The following DCAF13 variants were observed in gnomAD, a reference collection of about 807,000 sequenced individuals.
DCAF13 encodes the protein DDB1- and CUL4-associated factor 13.
DCAF13 carries 38 observed loss-of-function variants against 59.0 expected under a neutral mutation model. That is an observed-to-expected ratio of 0.64 (90% CI 0.50 to 0.84). The LOEUF (loss-of-function observed/expected upper bound fraction) is 0.84, where lower values mean the gene tolerates loss of function less well. Ranked by LOEUF, DCAF13 falls within the 40% of genes least tolerant of loss-of-function variation. The pLI is 0.00. For synonymous variants in DCAF13, 173 were observed against 175.0 expected, an observed-to-expected ratio of 0.99 and a Z score of 0.09; for missense variants, 469 against 558.4, an observed-to-expected ratio of 0.84 and a Z score of 1.61.
Position 103,442,749 on chromosome 8 carries a change from G to A in DCAF13, c.1251-46G>A, listed in dbSNP as rs771023999. 3 of 1,291,948 alleles carry A rather than the reference G, an allele frequency of 2.3e-6. No homozygotes were observed. In the African/African-American group the frequency reaches 4.6e-5, roughly 20 times the overall value. The allele number at this position is 1,291,948 out of a possible 1,614,324, so 80.0% of individuals were successfully genotyped here. The stretch of plus-strand genomic sequence containing the variant: ...ATTTTTCTGAGAAAGTTTTCTTTAA[G>A]ATGAGTTCCCATAACTTGCTTATAT... On this transcript the variant is annotated intron_variant, in intron 10 of 10. Coordinates refer to ENST00000612750, the MANE Select transcript of DCAF13 (RefSeq NM_015420.7).
rs1017852622 is a variant in DCAF13 at position 103,440,058 on chromosome 8, C to T, written c.951-78C>T. ...CTCCTATAGGACTCAGAAATAGTAT[C>T]CTGATACTTAATAGGCAGTGGTTAC... On this transcript the variant is annotated intron_variant, in intron 8 of 10. Coordinates refer to ENST00000612750, the MANE Select transcript of DCAF13 (RefSeq NM_015420.7). The T allele has an allele frequency of 1.4e-5, 17 of 1,178,124 alleles. No homozygotes were observed. The Admixed American group carries it at 2.0e-4, about 14-fold the overall frequency. 73.0% of individuals were successfully genotyped at this position (1,178,124 alleles called of 1,614,324 possible).
At chr8:103,428,467 ACT>A (rs550313855) in intron 5 of DCAF13, 164 of 151,722 alleles carry the variant, frequency 1.1e-3, no homozygotes, top group African/African-American at 3.9e-3. Context: ...TAAAATACTT[ACT>A]CTCTGGCCCT....
In DCAF13 at chr8:103,424,278, C is replaced by G. The variant is rs145160697; in HGVS notation, c.379-1778C>G. ...TCCTGACCTAGTGATCCACCCGCCT[C>G]AGCCTCTGAAAGTGCTGGGATTACA... On this transcript the variant is annotated intron_variant, in intron 3 of 10. Coordinates refer to ENST00000612750, the MANE Select transcript of DCAF13 (RefSeq NM_015420.7). Among the ~76,000 whole-genome samples the G allele has an allele frequency of 3.8e-3, 578 of 152,314 alleles. 2 individuals are homozygous for G. Among genetic ancestry groups the G allele is most frequent in the African/African-American group, 0.013 (556 of 41,576 alleles).
intron 1 of DCAF13, among the ~76,000 whole-genome samples, chr8:103,418,864 ATAT>A (rs1816678745): frequency 1.1e-4 from 3 of 27,954 alleles, no homozygotes; most frequent in South Asian, 2.8e-3. Context: ...ATATATATAT[ATAT>A]TTTTTTTTTT....
Position 103,441,609 on chromosome 8 carries a change from G to A in DCAF13, c.1241G>A (p.Arg414His), listed in dbSNP as rs754852689. Residue 414 changes from arginine to histidine, a missense_variant, in exon 10 of 11, where the codon CGT becomes CAT. This residue lies in a region of DCAF13 where 84 missense variants were observed against 92.3 expected (regional missense o/e 0.91). Transcript: ENST00000612750. ...GAACAGCGCATCATGAAAGAAGCTCGTCGACGAAAGTATGTTTTGAGGCAT... is the reference window on the plus strand; with the variant it reads ...GAACAGCGCATCATGAAAGAAGCTCATCGACGAAAGTATGTTTTGAGGCAT... The part of the protein sequence containing the change: ...IQEQRIMKEA[R>H]RRKEVNRIKH... The A allele has an allele frequency of 8.7e-6, 14 of 1,610,468 alleles. No homozygotes were observed. The highest frequency in any genetic ancestry group is 1.0e-5 in the Non-Finnish European group (12 of 1,179,190).
intron 8 of DCAF13, among the ~76,000 whole-genome samples, chr8:103,436,481 A>G (rs1370589731): frequency 6.6e-6 from 1 of 152,182 alleles, no homozygotes. Flanking sequence ...TTGTAAGCAC[A>G]TAGAGTGTGA....
intron 4 of DCAF13, 145 bp from the exon 5 acceptor site, chr8:103,426,952 C>T (rs1816799431): frequency 5.4e-6 from 3 of 555,462 alleles, no homozygotes; most frequent in Non-Finnish European, 9.0e-6. Context: ...TATTGTTTCC[C>T]CCTTTAAGTA....
chr8:103,436,902 T>G (rs1816942187), intron 8 of DCAF13, among the ~76,000 whole-genome samples: 1 of 152,218 alleles, frequency 6.6e-6, no homozygotes, highest in African/African-American at 2.4e-5. Context: ...ATCTAACTCT[T>G]TGCTCTTTTA....
chr8:103,435,576 A>G, intron 7 of DCAF13, 50 bp from the exon 8 acceptor site: 1 of 1,425,788 alleles, frequency 7.0e-7, no homozygotes. Context: ...AGTACTGCAT[A>G]TGGCATCTTT....
At chr8:103,424,970 C>A (rs970388854) in intron 3 of DCAF13, among the ~76,000 whole-genome samples, 1 of 152,108 alleles carries the variant, frequency 6.6e-6, no homozygotes, top group Non-Finnish European at 1.5e-5. Flanking sequence ...TCATCGACAT[C>A]CTCAACAAAA....
intron 5 of DCAF13, chr8:103,429,517 T>C (rs899528399): frequency 1.3e-5 from 2 of 152,190 alleles, no homozygotes; most frequent in African/African-American, 4.8e-5. Flanking sequence ...GGAGGAATGA[T>C]GCTACAGAGA....
In DCAF13 at chr8:103,443,144, ATACT is replaced by A. The variant is rs1586137038; in HGVS notation, c.*268_*271del. ...ATTTTTTCTTGTTTTTATTACAGAT[ATACT>A]TACTTTCTCTTTGATCTATTATTGT... On this transcript the variant is annotated 3_prime_UTR_variant, in exon 11 of 11. Coordinates refer to ENST00000612750, the MANE Select transcript of DCAF13 (RefSeq NM_015420.7). The A allele has an allele frequency of 7.3e-6, 2 of 275,746 alleles. No homozygotes were observed. The highest frequency in any genetic ancestry group is 1.4e-5 in the Non-Finnish European group (2 of 148,008). The allele number at this position is 275,746 out of a possible 1,614,324, so 17.1% of individuals were successfully genotyped here.
intron 9 of DCAF13, 57 bp downstream of exon 9, chr8:103,440,328 A>ATTG (rs1816993013): frequency 1.4e-6 from 2 of 1,431,496 alleles, no homozygotes; most frequent in Non-Finnish European, 1.9e-6. Context: ...TTTATTAGAT[A>ATTG]TTACATTATG....
At chr8:103,415,611 C>G in intron 1 of DCAF13, 95 bp downstream of exon 1, 1 of 1,246,730 alleles carries the variant, frequency 8.0e-7, no homozygotes. Context: ...GGCTGGCACT[C>G]TGGTCTGGTT....
intron 9 of DCAF13, 75 bp downstream of exon 9, chr8:103,440,346 A>T: frequency 7.5e-7 from 1 of 1,341,102 alleles, no homozygotes; most frequent in South Asian, 1.7e-5. Flanking sequence ...ATGAAAATTT[A>T]CTTTTAGGTA....
chr8:103,421,059 T>C lies in DCAF13; in HGVS notation c.355T>C (p.Phe119Leu), dbSNP rs199708023. Reference sequence around the variant, plus strand: ...CTTTGTACGAGGAATATGTACTCGCTTTTGTGGGACTTCTTTTTTCACTGT... The same window carrying C: ...CTTTGTACGAGGAATATGTACTCGCCTTTGTGGGACTTCTTTTTTCACTGT... ...EGFVRGICTR[F>L]CGTSFFTVGD... The change falls in exon 3 of 11, where the codon TTT (phenylalanine) becomes CTT (leucine). Residue 119 changes from phenylalanine to leucine, a missense_variant. By Grantham distance (22) the Phe-to-Leu change is conservative. This residue lies in a region of DCAF13 where 355 missense variants were observed against 399.1 expected (regional missense o/e 0.89). Coordinates refer to ENST00000612750, the MANE Select transcript of DCAF13 (RefSeq NM_015420.7). 6.2e-7 allele frequency: 1 copy of C among 1,611,886 alleles called. No individual in the cohort carries two copies. Among genetic ancestry groups the C allele is most frequent in the East Asian group, 2.2e-5 (1 of 44,838 alleles).
intron 3 of DCAF13, among the ~76,000 whole-genome samples, chr8:103,425,168 T>G (rs1053651704): frequency 6.6e-6 from 1 of 152,240 alleles, no homozygotes; most frequent in South Asian, 2.1e-4. Context: ...AAAGTGGATA[T>G]AGATTGCATC....
intron 7 of DCAF13, among the ~76,000 whole-genome samples, chr8:103,433,711 T>C (rs960710737): frequency 6.6e-6 from 1 of 152,064 alleles, no homozygotes; most frequent in Non-Finnish European, 1.5e-5. Flanking sequence ...TGAGTTGTAA[T>C]TGGGCCACTG....
intron 8 of DCAF13, chr8:103,439,409 G>A (rs1232613613): frequency 1.4e-5 from 1 of 71,082 alleles, no homozygotes; most frequent in Non-Finnish European, 2.7e-5. Context: ...TTTTTTTTGA[G>A]GCAGAGTCTC....
Sources: gnomAD v4.1 joint callset for allele counts (sites outside exome capture counted in the v4.1 genomes callset) on GRCh38, gnomAD v4.1.1 for gene constraint, gnomAD v4.1.1 regional missense constraint, MANE v1.5 for transcripts, NCBI Gene and HGNC (gene_info 2026-07-23, HGNC 2026-07-21) for gene names.